FBXL7: variants seen among roughly 807,000 people sequenced by gnomAD.
FBXL7 encodes the protein F-box/LRR-repeat protein 7.
FBXL7 carries 12 observed loss-of-function variants against 38.3 expected under a neutral mutation model. That is an observed-to-expected ratio of 0.31 (90% CI 0.20 to 0.51). FBXL7 has a LOEUF of 0.51. Among genes scored for constraint, FBXL7 ranks in the 20% least tolerant of loss-of-function variants. The pLI is 0.98. For missense variants in FBXL7, 567 were observed against 676.4 expected (o/e 0.84, Z 1.79); for synonymous variants, 297 against 300.9 (o/e 0.99, Z 0.13).
chr5:15,877,875 T>G (rs1230991822), intron 2 of FBXL7, among the ~76,000 whole-genome samples: 1 of 152,208 alleles, frequency 6.6e-6, no homozygotes, highest in Admixed American at 6.5e-5. Flanking sequence ...GAAAAAATTC[T>G]GATCTTCCAC....
intron 2 of FBXL7, among the ~76,000 whole-genome samples, chr5:15,863,754 C>T (rs1477727912): frequency 7.9e-5 from 12 of 152,140 alleles, no homozygotes; most frequent in Admixed American, 7.9e-4. Flanking sequence ...TGTTAGTTCA[C>T]CAAGAGAGCT....
At chr5:15,649,895 C>T (rs1741650094) in intron 2 of FBXL7, among the ~76,000 whole-genome samples, 1 of 152,160 alleles carries the variant, frequency 6.6e-6, no homozygotes, top group South Asian at 2.1e-4. Context: ...GATAAATCAT[C>T]CACTTCAGGT....
intron 2 of FBXL7, among the ~76,000 whole-genome samples, chr5:15,641,593 G>T (rs995722375): frequency 6.6e-6 from 1 of 151,768 alleles, no homozygotes; most frequent in Non-Finnish European, 1.5e-5. Flanking sequence ...ATATGATGTC[G>T]GGGTGTGTCT....
chr5:15,651,547 G>A (rs973842967), intron 2 of FBXL7, among the ~76,000 whole-genome samples: 8 of 152,108 alleles, frequency 5.3e-5, no homozygotes, highest in African/African-American at 9.7e-5. Flanking sequence ...GTCAGTGAAC[G>A]GTAATATTTT....
intron 2 of FBXL7, among the ~76,000 whole-genome samples, chr5:15,856,360 G>A (rs1171802003): frequency 2.0e-5 from 3 of 151,974 alleles, no homozygotes; most frequent in Non-Finnish European, 4.4e-5. Flanking sequence ...GGGACACAGA[G>A]CTAAACCAGG....
chr5:15,813,838 A>G (rs1301060788), intron 2 of FBXL7, among the ~76,000 whole-genome samples: 2 of 152,350 alleles, frequency 1.3e-5, no homozygotes, highest in East Asian at 1.9e-4. Context: ...GCTCATCATC[A>G]CTAGTCATTA....
At chr5:15,707,825 T>C (rs1245397175) in intron 2 of FBXL7, among the ~76,000 whole-genome samples, 1 of 152,182 alleles carries the variant, frequency 6.6e-6, no homozygotes, top group African/African-American at 2.4e-5. Flanking sequence ...CAGTATTCAC[T>C]GGAGATCCTG....
At chr5:15,524,869 C>T (rs1737205673) in intron 1 of FBXL7, among the ~76,000 whole-genome samples, 1 of 152,018 alleles carries the variant, frequency 6.6e-6, no homozygotes, top group East Asian at 1.9e-4. Flanking sequence ...AAGGAGTGGC[C>T]TCTGGCCGGT....
At chr5:15,557,002 A>C (rs972161470) in intron 1 of FBXL7, among the ~76,000 whole-genome samples, 1 of 152,116 alleles carries the variant, frequency 6.6e-6, no homozygotes, top group Admixed American at 6.5e-5. Flanking sequence ...CGGTGGCGCG[A>C]TCTCGGCTCA....
intron 2 of FBXL7, among the ~76,000 whole-genome samples, chr5:15,685,176 C>G (rs73752499): frequency 6.6e-6 from 1 of 152,128 alleles, no homozygotes; most frequent in Non-Finnish European, 1.5e-5. Flanking sequence ...AACAGTGAAA[C>G]TCATGAATGT....
chr5:15,851,149 C>T (rs1270319186), intron 2 of FBXL7, among the ~76,000 whole-genome samples: 1 of 152,164 alleles, frequency 6.6e-6, no homozygotes, highest in African/African-American at 2.4e-5. Flanking sequence ...TCCTGAAGAA[C>T]GTGCTGCCAG....
intron 2 of FBXL7, among the ~76,000 whole-genome samples, chr5:15,761,305 A>G (rs1736433687): frequency 1.3e-5 from 2 of 152,150 alleles, no homozygotes; most frequent in African/African-American, 2.4e-5. Context: ...TGCCAAAAAT[A>G]TCATAATCCC....
chr5:15,501,598 G>A (rs1416957446), intron 1 of FBXL7: 2 of 985,602 alleles, frequency 2.0e-6, no homozygotes, highest in Non-Finnish European at 1.2e-6. Flanking sequence ...GCCCCCAGAG[G>A]ACAGTTGGTT....
At chr5:15,920,054 C>T (rs1174296856) in intron 2 of FBXL7, among the ~76,000 whole-genome samples, 2 of 152,134 alleles carry the variant, frequency 1.3e-5, no homozygotes, top group East Asian at 3.9e-4. Flanking sequence ...GTCAGGAGTT[C>T]CAGACCAGCC....
rs1742290804 is a variant in FBXL7 at position 15,939,694 on chromosome 5, GTTGTTGTTGT to G, written c.*2511_*2520del. ...CTGCTAAATTGAATGCTCATTGTTT[GTTGTTGTTGT>G]TTTTTAATTCTAATGTTCAAATCAC... On this transcript the variant is annotated 3_prime_UTR_variant, in exon 4 of 4. Transcript: ENST00000504595. 6.6e-6 allele frequency: 1 copy of G among 152,596 alleles called. No homozygotes were observed. Among genetic ancestry groups the G allele is most frequent in the African/African-American group, 2.4e-5 (1 of 41,446 alleles). The allele number at this position is 152,596 out of a possible 1,614,324, so 9.5% of individuals were successfully genotyped here.
At chr5:15,765,320 C>G (rs900770670) in intron 2 of FBXL7, among the ~76,000 whole-genome samples, 1 of 151,996 alleles carries the variant, frequency 6.6e-6, no homozygotes, top group South Asian at 2.1e-4. Flanking sequence ...TATGCACTCC[C>G]GAGGCCATAC....
At position 15,928,604 on chromosome 5, in the gene FBXL7, A is replaced by G; in HGVS notation, c.739+103A>G. The G allele has an allele frequency of 6.9e-7, 1 of 1,440,526 alleles. No individual in the cohort carries two copies. The highest frequency in any genetic ancestry group is 9.3e-7 in the Non-Finnish European group (1 of 1,073,620). 89.2% of individuals were successfully genotyped at this position (1,440,526 alleles called of 1,614,324 possible). A position where few individuals can be genotyped will look rare whatever the true frequency, so the allele number is the denominator to read the frequency against. On this transcript the variant is annotated intron_variant, in intron 3 of 3. Transcript: ENST00000504595. This position sits in a 1 kb window ranked among gnomAD's most constrained non-coding sequence, Gnocchi z 4.0. ...GAGGGTCCTCTTCTTGCAAGCCATC[A>G]GAGATGGGGGCGGGTGGTAGGGAGG...
intron 2 of FBXL7, among the ~76,000 whole-genome samples, chr5:15,741,745 A>G (rs1735898818): frequency 6.6e-6 from 1 of 152,236 alleles, no homozygotes; most frequent in African/African-American, 2.4e-5. Context: ...AAATGAAACT[A>G]TTCTTAGGAG....
At chr5:15,706,614 A>G (rs1743687617) in intron 2 of FBXL7, among the ~76,000 whole-genome samples, 1 of 152,198 alleles carries the variant, frequency 6.6e-6, no homozygotes. Context: ...GAACTTAACT[A>G]AGGTAGTAGC....
Sources: allele counts gnomAD v4.1 joint callset (sites outside exome capture counted in the v4.1 genomes callset), GRCh38; gene constraint gnomAD v4.1.1; non-coding constraint Gnocchi (gnomAD v3.1); transcripts MANE v1.5; gene names NCBI Gene and HGNC (gene_info 2026-07-23, HGNC 2026-07-21).